Variants in MIGA2 observed in about 807,000 individuals in gnomAD.
The protein encoded by MIGA2 is mitoguardin 2.
A neutral mutation model predicts 69.9 loss-of-function variants in MIGA2; 36 were observed. That is an observed-to-expected ratio of 0.52 (90% CI 0.39 to 0.68). The LOEUF (loss-of-function observed/expected upper bound fraction) is 0.68, where lower values mean the gene tolerates loss of function less well. Ranked by LOEUF, MIGA2 falls within the 30% of genes least tolerant of loss-of-function variation. The pLI is 0.00. For synonymous variants in MIGA2, 333 were observed against 349.2 expected, an observed-to-expected ratio of 0.95 and a Z score of 0.52; for missense variants, 660 against 787.7, an observed-to-expected ratio of 0.84 and a Z score of 1.94.
chr9:129,050,769 C>T (rs568501023), intron 6 of MIGA2, among the ~76,000 whole-genome samples: 2 of 152,140 alleles, frequency 1.3e-5, no homozygotes, highest in South Asian at 4.2e-4. Context: ...GACGGGGTTT[C>T]ACCACATTGG....
intron 3 of MIGA2, among the ~76,000 whole-genome samples, chr9:129,047,434 A>T (rs1201411791): frequency 6.7e-6 from 1 of 149,294 alleles, no homozygotes; most frequent in South Asian, 2.1e-4. Context: ...TTTTTTTTTG[A>T]GACATTCTTG....
chr9:129,053,877 T>C (rs1588391885), intron 6 of MIGA2, among the ~76,000 whole-genome samples: 1 of 151,740 alleles, frequency 6.6e-6, no homozygotes, highest in Non-Finnish European at 1.5e-5. Flanking sequence ...CAGGCTGGAG[T>C]GCAGTGGCGT....
At chr9:129,040,876 C>T (rs1554838087) in intron 2 of MIGA2, among the ~76,000 whole-genome samples, 186 bp downstream of exon 2, 3 of 149,972 alleles carry the variant, frequency 2.0e-5, no homozygotes, top group Non-Finnish European at 4.5e-5. Context: ...TATACGAACT[C>T]TTTTTTTTTT....
At chr9:129,064,556 C>T (rs1028121432) in intron 11 of MIGA2, among the ~76,000 whole-genome samples, 1 of 148,492 alleles carries the variant, frequency 6.7e-6, no homozygotes, top group African/African-American at 2.5e-5. Flanking sequence ...TTGAACAGGT[C>T]GGACAGATGA....
rs756235532 is a variant in MIGA2, at chr9:129,049,413, C to A, written c.453C>A (p.Ala151=). ...CAGTGAACTCATCCAGCCCCACAGC[C>A]GCGTGCTCGGGACTATGGGATGCCA... ...MMAVNSSSPT[A]ACSGLWDARG... Residue 151 remains alanine, a synonymous_variant, in exon 5 of 16, where the codon GCC becomes GCA. Transcript: ENST00000684074. 1 of 1,613,434 alleles carries A rather than the reference C, an allele frequency of 6.2e-7. No homozygotes were observed. Among genetic ancestry groups the A allele is most frequent in the Admixed American group, 1.7e-5 (1 of 59,880 alleles).
At chr9:129,064,858 C>A (rs1341856845) in intron 11 of MIGA2, among the ~76,000 whole-genome samples, 1 of 151,774 alleles carries the variant, frequency 6.6e-6, no homozygotes, top group Non-Finnish European at 1.5e-5. Flanking sequence ...TCTCCGCTCA[C>A]CGCAACCTCC....
rs1846660472 is a variant in MIGA2, at chr9:129,071,208, T to C, written c.*755T>C. 1.3e-5 allele frequency: 2 copies of C among 152,336 alleles called. No homozygotes were observed. Among genetic ancestry groups the C allele is most frequent in the Non-Finnish European group, 2.9e-5 (2 of 68,104 alleles). 9.4% of individuals were successfully genotyped at this position (152,336 alleles called of 1,614,324 possible). A position where few individuals can be genotyped will look rare whatever the true frequency, so the allele number is the denominator to read the frequency against. ...CCCTGGGTGGTGCTAGGCTCTGAGC[T>C]GGGGGCTCAGACCAGGGATCGCTCA... is the stretch of plus-strand genomic sequence containing the variant. On this transcript the variant is annotated 3_prime_UTR_variant, in exon 16 of 16. Coordinates refer to ENST00000684074, the MANE Select transcript of MIGA2 (RefSeq NM_001329990.2).
At chr9:129,065,625 C>T (rs535162082) in intron 11 of MIGA2, among the ~76,000 whole-genome samples, 3 of 152,076 alleles carry the variant, frequency 2.0e-5, no homozygotes, top group Admixed American at 1.3e-4. Context: ...GCTGGGATTA[C>T]GGGTGTGAGC....
intron 1 of MIGA2, chr9:129,036,987 G>T: frequency 1.0e-6 from 1 of 1,002,974 alleles, no homozygotes; most frequent in Non-Finnish European, 1.2e-6. Flanking sequence ...GCAGGCGTGC[G>T]GGCCGTGAGC....
At chr9:129,043,113 G>A (rs1003148302) in intron 3 of MIGA2, among the ~76,000 whole-genome samples, 20 of 151,794 alleles carry the variant, frequency 1.3e-4, no homozygotes, top group African/African-American at 4.8e-4. Context: ...AGAATGGCGT[G>A]AACCCAGGAG....
intron 2 of MIGA2, 49 bp from the exon 3 acceptor site, chr9:129,042,255 G>A: frequency 6.3e-7 from 1 of 1,594,642 alleles, no homozygotes; most frequent in Non-Finnish European, 8.6e-7. Context: ...CTGCTGCCTT[G>A]GACCTTCCCC....
chr9:129,063,006 A>G (rs1366896204), intron 9 of MIGA2, among the ~76,000 whole-genome samples: 8 of 152,144 alleles, frequency 5.3e-5, no homozygotes, highest in African/African-American at 1.7e-4. Flanking sequence ...TCATCTCTGT[A>G]CCCGGTGCCT....
chr9:129,063,202 G>A lies in MIGA2; in HGVS notation c.1011-42G>A, dbSNP rs559185142. ...CACCTGACCCCCCGGGGCATCGCTGGGCAGGGACCAGGTTGTGTGACGCCG... is the reference window on the plus strand; with the variant it reads ...CACCTGACCCCCCGGGGCATCGCTGAGCAGGGACCAGGTTGTGTGACGCCG... On this transcript the variant is annotated intron_variant, in intron 9 of 15. Coordinates refer to ENST00000684074, the MANE Select transcript of MIGA2 (RefSeq NM_001329990.2). 24 of 1,611,028 alleles carry A rather than the reference G, an allele frequency of 1.5e-5. No individual in the cohort carries two copies. The African/African-American group carries it at 2.4e-4, about 16-fold the overall frequency.
rs538406465 is a variant in MIGA2, at chr9:129,060,880, G to A, written c.894+230G>A. ...GTTCCACCCCGAAGGGCTCCAGCCC[G>A]TGCTGGCCTTTCCCTTCTCCAGACC... On this transcript the variant is annotated intron_variant, in intron 8 of 15. Coordinates refer to ENST00000684074, the MANE Select transcript of MIGA2 (RefSeq NM_001329990.2). This position sits in a 1 kb window ranked among gnomAD's most constrained non-coding sequence, Gnocchi z 4.8. 1.7e-4 allele frequency among the ~76,000 whole-genome samples: 26 copies of A among 152,378 alleles called. No individual in the cohort carries two copies. The highest frequency in any genetic ancestry group is 5.3e-4 in the African/African-American group (22 of 41,596).
At position 129,070,395 on chromosome 9, in the gene MIGA2, G is replaced by C. The variant is rs766792998; in HGVS notation, c.1724G>C (p.Ser575Thr). 1 of 1,611,312 alleles carries C rather than the reference G, an allele frequency of 6.2e-7. No individual in the cohort carries two copies. The highest frequency in any genetic ancestry group is 1.7e-5 in the Admixed American group (1 of 59,904). The change falls in exon 16 of 16, where the codon AGC becomes ACC. Residue 575 changes from serine to threonine, a missense_variant. Physicochemically the swap from Ser to Thr is moderately conservative, Grantham distance 58. Transcript: ENST00000684074. ...TACCTGGGGGTGCCCGCGGCCAGCA[G>C]CGCAGGCGTGAATGGGGCGCTGCCC... ...LGYLGVPAAS[S>T]AGVNGALPRE...
Position 129,068,670 on chromosome 9 carries a change from G to C in MIGA2, c.1404+338G>C. On this transcript the variant is annotated intron_variant, in intron 13 of 15. Transcript: ENST00000684074. The surrounding 1 kb of genome is among the most constrained non-coding windows in gnomAD (Gnocchi z 4.1). ...AAAACCAAAAGGAAAAAAAGGCACA[G>C]AGTGAGAGACAACCCAGCACAGGAC... 1 of 420,760 alleles carries C rather than the reference G, an allele frequency of 2.4e-6. No individual in the cohort carries two copies. The allele number at this position is 420,760 out of a possible 1,614,324, so 26.1% of individuals were successfully genotyped here.
chr9:129,050,463 C>G (rs1392197688), intron 6 of MIGA2, among the ~76,000 whole-genome samples: 1 of 151,776 alleles, frequency 6.6e-6, no homozygotes, highest in Non-Finnish European at 1.5e-5. Context: ...TTAGTAGAGA[C>G]AGGGTTTCAC....
At chr9:129,050,718 C>A (rs1845482705) in intron 6 of MIGA2, among the ~76,000 whole-genome samples, 1 of 150,392 alleles carries the variant, frequency 6.6e-6, no homozygotes, top group African/African-American at 2.5e-5. Flanking sequence ...ATTACAGGTG[C>A]CTGCCACCAC....
rs1846071630 is a variant in MIGA2 at position 129,061,610 on chromosome 9, A to G, written c.1010+264A>G. Among the ~76,000 whole-genome samples the G allele has an allele frequency of 6.6e-6, 1 of 152,244 alleles. No homozygotes were observed. The highest frequency in any genetic ancestry group is 2.1e-4 in the South Asian group (1 of 4,836). On this transcript the variant is annotated intron_variant, in intron 9 of 15. Coordinates refer to ENST00000684074, the MANE Select transcript of MIGA2 (RefSeq NM_001329990.2). The surrounding 1 kb of genome is among the most constrained non-coding windows in gnomAD (Gnocchi z 5.0). ...GAACAATAGTTACTACCAGTTCTAA[A>G]TTCTGAGAGAGTGTATGCTTCTACA...
Sources: gnomAD v4.1 joint callset for allele counts (sites outside exome capture counted in the v4.1 genomes callset) on GRCh38, gnomAD v4.1.1 for gene constraint, Gnocchi (gnomAD v3.1) non-coding constraint, MANE v1.5 for transcripts, NCBI Gene and HGNC (gene_info 2026-07-23, HGNC 2026-07-21) for gene names.